CEP83: variants seen among roughly 807,000 people sequenced by gnomAD.
The protein encoded by CEP83 is centrosomal protein of 83 kDa.
In CEP83, 70 loss-of-function variants were observed where a neutral mutation model predicts 101.9. That is an observed-to-expected ratio of 0.69 (90% CI 0.57 to 0.84). The LOEUF (loss-of-function observed/expected upper bound fraction) is 0.84. Among genes scored for constraint, CEP83 ranks in the 40% least tolerant of loss-of-function variants. The pLI is 0.00. For missense variants in CEP83, 715 were observed against 787.2 expected (o/e 0.91, Z 1.10); for synonymous variants, 264 against 267.9 (o/e 0.99, Z 0.14).
intron 1 of CEP83, among the ~76,000 whole-genome samples, chr12:94,459,185 A>G (rs946177841): frequency 1.3e-5 from 2 of 152,242 alleles, no homozygotes; most frequent in Admixed American, 1.3e-4. Flanking sequence ...AGGATTAACC[A>G]AAGTATTTAA....
At chr12:94,388,077 G>T (rs113091758) in intron 6 of CEP83, among the ~76,000 whole-genome samples, 2,319 of 152,292 alleles carry the variant, frequency 0.015, 27 homozygotes, top group Middle Eastern at 0.024. Context: ...CCATTACTGG[G>T]TATATACTGA....
intron 6 of CEP83, among the ~76,000 whole-genome samples, chr12:94,381,441 T>A (rs762331609): frequency 1.3e-5 from 2 of 152,212 alleles, no homozygotes; most frequent in Non-Finnish European, 2.9e-5. Flanking sequence ...TGTTAACTAA[T>A]ATTACTTTTT....
intron 11 of CEP83, among the ~76,000 whole-genome samples, chr12:94,356,280 CAAG>C (rs2060470460): frequency 6.6e-6 from 1 of 152,158 alleles, no homozygotes; most frequent in Non-Finnish European, 1.5e-5. Context: ...ACACTGATAA[CAAG>C]GAGGAACAAG....
At chr12:94,339,829 G>T (rs999988805) in intron 11 of CEP83, among the ~76,000 whole-genome samples, 2 of 152,170 alleles carry the variant, frequency 1.3e-5, no homozygotes, top group Non-Finnish European at 2.9e-5. Flanking sequence ...CCACTCAAAA[G>T]AGAACTAGAA....
At chr12:94,376,751 T>A (rs891362834) in intron 7 of CEP83, among the ~76,000 whole-genome samples, 6 of 137,126 alleles carry the variant, frequency 4.4e-5, no homozygotes, top group East Asian at 2.1e-4. Context: ...ATATATATTT[T>A]TTTTTTGAGA....
chr12:94,339,240 C>T (rs1013345396), intron 11 of CEP83, among the ~76,000 whole-genome samples: 15 of 152,148 alleles, frequency 9.9e-5, no homozygotes, highest in Middle Eastern at 3.4e-3. Flanking sequence ...TATGCTATTT[C>T]GACATTCAAC....
chr12:94,382,364 C>T, intron 6 of CEP83, among the ~76,000 whole-genome samples: 1 of 149,928 alleles, frequency 6.7e-6, no homozygotes, highest in Non-Finnish European at 1.5e-5. Context: ...TTTATTATTT[C>T]CCTCCTTCTG....
At chr12:94,406,649 A>C (rs899096035) in intron 4 of CEP83, among the ~76,000 whole-genome samples, 1 of 152,168 alleles carries the variant, frequency 6.6e-6, no homozygotes, top group East Asian at 1.9e-4. Context: ...AGGCCGGGCA[A>C]GGTGGCTCAC....
At position 94,308,682 on chromosome 12, in the gene CEP83, G is replaced by A. The variant is rs1368316032; in HGVS notation, c.*131C>T. ...AGTCATACAATACAGCATGTAGTAG[G>A]TACCTTTTCTTGAGGCACATTCAAG... On this transcript the variant is annotated 3_prime_UTR_variant, in exon 17 of 17. Transcript: ENST00000397809. The A allele has an allele frequency of 6.3e-6, 4 of 630,060 alleles. No individual in the cohort carries two copies. Among genetic ancestry groups the A allele is most frequent in the Non-Finnish European group, 1.2e-5 (4 of 347,664 alleles). 39.0% of individuals were successfully genotyped at this position (630,060 alleles called of 1,614,324 possible). A position where few individuals can be genotyped will look rare whatever the true frequency, so the allele number is the denominator to read the frequency against.
intron 14 of CEP83, among the ~76,000 whole-genome samples, chr12:94,326,037 G>T (rs1210133608): frequency 1.3e-5 from 2 of 152,054 alleles, no homozygotes; most frequent in African/African-American, 2.4e-5. Flanking sequence ...TAAGGATGGG[G>T]GCTGGTCACC....
rs367944070 is a variant in CEP83 at position 94,423,573 on chromosome 12, T to C, written c.-101-10982A>G. Among the ~76,000 whole-genome samples the C allele has an allele frequency of 5.4e-5, 8 of 149,292 alleles. No homozygotes were observed. In the South Asian group the frequency reaches 1.1e-3, roughly 20 times the overall value. The stretch of plus-strand genomic sequence containing the variant: ...TCAGCAACAGTAAAGGGCAGGAACA[T>C]AGAGATTTCTTTTTCCAGGCCCAGG... On this transcript the variant is annotated intron_variant, in intron 2 of 16. Transcript: ENST00000397809.
chr12:94,301,104 A>G, the CEP83 span: 10 of 1,556,618 alleles, frequency 6.4e-6, no homozygotes, highest in Non-Finnish European at 8.8e-6. Context: ...TATGAGTTTG[A>G]CATACTTGTC....
chr12:94,310,127 G>A lies in CEP83; in HGVS notation c.1812-20C>T. The A allele has an allele frequency of 7.3e-7, 1 of 1,373,446 alleles. No individual in the cohort carries two copies. The highest frequency in any genetic ancestry group is 1.0e-6 in the Non-Finnish European group (1 of 984,584). 85.1% of individuals were successfully genotyped at this position (1,373,446 alleles called of 1,614,324 possible). Reference sequence around the variant, plus strand: ...TTTTGTCTTAAAAAGAAAAAGAAATGTTTCTTTAACATGGTTATACCCTAT... The same window carrying A: ...TTTTGTCTTAAAAAGAAAAAGAAATATTTCTTTAACATGGTTATACCCTAT... On this transcript the variant is annotated intron_variant, in intron 15 of 16. Coordinates refer to ENST00000397809, the MANE Select transcript of CEP83 (RefSeq NM_016122.3).
intron 1 of CEP83, among the ~76,000 whole-genome samples, chr12:94,449,673 G>A (rs77619781): frequency 0.019 from 2,903 of 149,660 alleles, 46 homozygotes; most frequent in Non-Finnish European, 0.03. Context: ...CTTGGGAGGC[G>A]GAAGCCGGAG....
At chr12:94,380,071 CAAAA>C (rs11362391) in intron 6 of CEP83, among the ~76,000 whole-genome samples, 1 of 83,188 alleles carries the variant, frequency 1.2e-5, no homozygotes, top group Non-Finnish European at 2.4e-5. Context: ...CCCGGCCCTG[CAAAA>C]AAAAAAAAAA....
At chr12:94,440,646 A>C (rs2066334326) in intron 1 of CEP83, among the ~76,000 whole-genome samples, 1 of 152,098 alleles carries the variant, frequency 6.6e-6, no homozygotes, top group African/African-American at 2.4e-5. Flanking sequence ...TGCAATTCCC[A>C]TCAAAATACC....
At chr12:94,442,268 G>C (rs763260826) in intron 1 of CEP83, among the ~76,000 whole-genome samples, 4 of 151,760 alleles carry the variant, frequency 2.6e-5, no homozygotes, top group African/African-American at 4.8e-5. Flanking sequence ...AGTAACTCAG[G>C]AATGGAAAAC....
At chr12:94,340,532 G>T (rs1380829717) in intron 11 of CEP83, among the ~76,000 whole-genome samples, 1 of 151,790 alleles carries the variant, frequency 6.6e-6, no homozygotes, top group Non-Finnish European at 1.5e-5. Flanking sequence ...CGCCTCCCAG[G>T]TTCACGCAAT....
intron 6 of CEP83, among the ~76,000 whole-genome samples, chr12:94,387,682 C>A (rs1265895346): frequency 1.3e-5 from 2 of 152,094 alleles, no homozygotes; most frequent in African/African-American, 4.8e-5. Context: ...GCAAACTATG[C>A]ATCTGACAAA....
Sources: gnomAD v4.1 joint callset for allele counts (sites outside exome capture counted in the v4.1 genomes callset) on GRCh38, gnomAD v4.1.1 for gene constraint, MANE v1.5 for transcripts, NCBI Gene and HGNC (gene_info 2026-07-23, HGNC 2026-07-21) for gene names.